The following AGAP1 variants were observed in gnomAD, a reference collection of about 807,000 sequenced individuals.
The protein encoded by AGAP1 is ArfGAP with GTPase domain, ankyrin repeat and PH domain 1.
AGAP1 carries 29 observed loss-of-function variants against 105.3 expected under a neutral mutation model. The observed-to-expected ratio is 0.28, with a 90% CI of 0.21 to 0.38. The LOEUF is 0.38. Among genes scored for constraint, AGAP1 ranks in the 10% least tolerant of loss-of-function variants. The pLI is 1.00. For synonymous variants in AGAP1, 509 were observed against 485.9 expected (o/e 1.05, Z -0.63); for missense variants, 998 against 1,165.1 (o/e 0.86, Z 2.09).
intron 8 of AGAP1, among the ~76,000 whole-genome samples, chr2:235,803,945 T>G (rs1957710798): frequency 6.6e-6 from 1 of 152,246 alleles, no homozygotes; most frequent in Non-Finnish European, 1.5e-5. Flanking sequence ...GCAATTAATT[T>G]AGTTTAGCGG....
rs554464586 is a variant in AGAP1 at position 235,989,769 on chromosome 2, C to G, written c.1645+21146C>G. On this transcript the variant is annotated intron_variant, in intron 13 of 17. Transcript: ENST00000304032. The surrounding 1 kb of genome is among the most constrained non-coding windows in gnomAD (Gnocchi z 4.4). ...GAGGACTGAAGACATTGGCAAGCAT[C>G]AGTCCGTGCGGGAGACGTGCATGGA... Among the ~76,000 whole-genome samples the G allele has an allele frequency of 6.6e-6, 1 of 152,250 alleles. No homozygotes were observed. The highest frequency in any genetic ancestry group is 2.4e-5 in the African/African-American group (1 of 41,554).
chr2:236,025,173 T>C (rs1342959412), intron 13 of AGAP1, among the ~76,000 whole-genome samples: 1 of 152,202 alleles, frequency 6.6e-6, no homozygotes, highest in Non-Finnish European at 1.5e-5. Flanking sequence ...ACTGCAATTG[T>C]CACAAATAGG....
rs910222892 is a variant in AGAP1 at position 235,736,842 on chromosome 2, AAAAAC to A, written c.311-4109_311-4105del. 4.6e-5 allele frequency among the ~76,000 whole-genome samples: 7 copies of A among 152,182 alleles called. No individual in the cohort carries two copies. Among genetic ancestry groups the A allele is most frequent in the African/African-American group, 1.7e-4 (7 of 41,454 alleles). ...GGCAACAGAGTGAGACTGTGTCTCAAAAAACAAAACAAAACACAACACAACAACAA... is the reference window on the plus strand; with the variant it reads ...GGCAACAGAGTGAGACTGTGTCTCAAAAAACAAAACACAACACAACAACAA... On this transcript the variant is annotated intron_variant, in intron 3 of 17. Coordinates refer to ENST00000304032, the MANE Select transcript of AGAP1 (RefSeq NM_001037131.3). The surrounding 1 kb of genome is among the most constrained non-coding windows in gnomAD (Gnocchi z 5.5).
intron 13 of AGAP1, among the ~76,000 whole-genome samples, chr2:236,032,392 C>A (rs1248228046): frequency 1.3e-5 from 2 of 152,158 alleles, no homozygotes. Context: ...GGTGAGTCTT[C>A]AGGGTGATCA....
chr2:236,105,545 C>T lies in AGAP1; in HGVS notation c.2115-14647C>T, dbSNP rs1275912879. On this transcript the variant is annotated intron_variant, in intron 16 of 17. Coordinates refer to ENST00000304032, the MANE Select transcript of AGAP1 (RefSeq NM_001037131.3). This position sits in a 1 kb window ranked among gnomAD's most constrained non-coding sequence, Gnocchi z 4.2. Reference sequence around the variant, plus strand: ...GAGGAGAGAGGAGAGGGGCATCTCTCGTGTCTTTTTTTTTTTTTTTTTTTT... The same window carrying T: ...GAGGAGAGAGGAGAGGGGCATCTCTTGTGTCTTTTTTTTTTTTTTTTTTTT... Among the ~76,000 whole-genome samples the T allele has an allele frequency of 3.5e-5, 5 of 141,354 alleles. No homozygotes were observed. Among genetic ancestry groups the T allele is most frequent in the Non-Finnish European group, 7.5e-5 (5 of 66,256 alleles). The allele number at this position is 141,354 out of a possible 152,430, so 92.7% of individuals were successfully genotyped here.
In AGAP1 at chr2:236,055,413, G is replaced by A. The variant is rs1374792473; in HGVS notation, c.2114+6132G>A. On this transcript the variant is annotated intron_variant, in intron 16 of 17. Transcript: ENST00000304032. The surrounding 1 kb of genome is among the most constrained non-coding windows in gnomAD (Gnocchi z 6.2). ...TGGAGGAAGCTGCTGTGCTCTGTGA[G>A]CCTCGTCTCTTCCAATATAAATTAT... 6.6e-6 allele frequency among the ~76,000 whole-genome samples: 1 copy of A among 152,234 alleles called. No homozygotes were observed. Among genetic ancestry groups the A allele is most frequent in the Non-Finnish European group, 1.5e-5 (1 of 68,052 alleles).
In AGAP1 at chr2:235,709,213, T is replaced by C. The variant is rs746978794; in HGVS notation, c.198T>C (p.Ser66=). The C allele has an allele frequency of 7.4e-6, 12 of 1,614,062 alleles. No individual in the cohort carries two copies. Among genetic ancestry groups the C allele is most frequent in the African/African-American group, 1.3e-5 (1 of 75,014 alleles). ...TGAACAGCCAGGAATGGACGCTGAG[T>C]CGATCTGTCCCGGAGCTCAAAGTGG... ...AFVNSQEWTL[S]RSVPELKVGI... is the part of the protein sequence containing the mutation. Residue 66 remains serine (S), a synonymous_variant, in exon 2 of 18, where the codon AGT becomes AGC. Coordinates refer to ENST00000304032, the MANE Select transcript of AGAP1 (RefSeq NM_001037131.3).
rs1949688350 is a variant in AGAP1, at chr2:235,690,526, A to G, written c.164-18653A>G. ...GTTTATTCCTAGCTTCCGGTAGAGG[A>G]GGCTGGCCAACTCAGACACCTAAGC... On this transcript the variant is annotated intron_variant, in intron 1 of 17. Transcript: ENST00000304032. The surrounding 1 kb of genome is among the most constrained non-coding windows in gnomAD (Gnocchi z 4.1). Among the ~76,000 whole-genome samples, 1 of 152,208 alleles carries G rather than the reference A, an allele frequency of 6.6e-6. No homozygotes were observed. The highest frequency in any genetic ancestry group is 2.4e-5 in the African/African-American group (1 of 41,452).
intron 16 of AGAP1, among the ~76,000 whole-genome samples, chr2:236,098,040 A>G (rs1312894973): frequency 6.6e-6 from 1 of 152,238 alleles, no homozygotes; most frequent in Non-Finnish European, 1.5e-5. Flanking sequence ...GCTGAGTACT[A>G]TTCCATCGTG....
Position 235,981,083 on chromosome 2 carries a change from G to A in AGAP1, c.1645+12460G>A, listed in dbSNP as rs1575959541. On this transcript the variant is annotated intron_variant, in intron 13 of 17. Coordinates refer to ENST00000304032, the MANE Select transcript of AGAP1 (RefSeq NM_001037131.3). This position sits in a 1 kb window ranked among gnomAD's most constrained non-coding sequence, Gnocchi z 5.5. Reference sequence around the variant, plus strand: ...TTTTATTTTTTTGTTTTAACATTTTGTGCAAGGCTAAGGAATTAGACACCC... The same window carrying A: ...TTTTATTTTTTTGTTTTAACATTTTATGCAAGGCTAAGGAATTAGACACCC... Among the ~76,000 whole-genome samples, 1 of 152,062 alleles carries A rather than the reference G, an allele frequency of 6.6e-6. No individual in the cohort carries two copies. The highest frequency in any genetic ancestry group is 1.5e-5 in the Non-Finnish European group (1 of 68,020).
intron 9 of AGAP1, among the ~76,000 whole-genome samples, chr2:235,858,727 A>C (rs926019502): frequency 1.3e-5 from 2 of 152,206 alleles, no homozygotes; most frequent in Non-Finnish European, 2.9e-5. Context: ...CTAGAACATG[A>C]AAGGTGGTTT....
chr2:235,644,948 T>G (rs1026681907), intron 1 of AGAP1, among the ~76,000 whole-genome samples: 1 of 150,970 alleles, frequency 6.6e-6, no homozygotes, highest in Non-Finnish European at 1.5e-5. Flanking sequence ...CAGACTGGAG[T>G]GCAATGGCGC....
chr2:235,858,742 A>G (rs978686875), intron 9 of AGAP1, among the ~76,000 whole-genome samples: 2 of 152,204 alleles, frequency 1.3e-5, no homozygotes, highest in East Asian at 1.9e-4. Flanking sequence ...TGGTTTCTCT[A>G]CATGCCTGTG....
Position 235,936,665 on chromosome 2 carries a change from A to G in AGAP1, c.1483+5742A>G, listed in dbSNP as rs1051330981. 5.9e-5 allele frequency among the ~76,000 whole-genome samples: 9 copies of G among 152,162 alleles called. No homozygotes were observed. The highest frequency in any genetic ancestry group is 2.2e-4 in the African/African-American group (9 of 41,432). ...ATACTGACAATTTTAGTGTATGACC[A>G]GCAGGCGGCGGTAATGTGATACTGC... is the stretch of plus-strand genomic sequence containing the variant. On this transcript the variant is annotated intron_variant, in intron 12 of 17. Transcript: ENST00000304032. The surrounding 1 kb of genome is among the most constrained non-coding windows in gnomAD (Gnocchi z 4.7).
intron 6 of AGAP1, among the ~76,000 whole-genome samples, chr2:235,794,706 A>G (rs1235162678): frequency 6.6e-6 from 1 of 152,124 alleles, no homozygotes; most frequent in African/African-American, 2.4e-5. Flanking sequence ...TCCTGACCTC[A>G]GGTGATCTGC....
chr2:235,841,386 T>C (rs1259130374), intron 9 of AGAP1, among the ~76,000 whole-genome samples: 1 of 152,172 alleles, frequency 6.6e-6, no homozygotes, highest in Non-Finnish European at 1.5e-5. Context: ...CCCCGCACTG[T>C]AGGAGGCCAA....
At position 235,994,127 on chromosome 2, in the gene AGAP1, A is replaced by G. The variant is rs1472092767; in HGVS notation, c.1645+25504A>G. On this transcript the variant is annotated intron_variant, in intron 13 of 17. Transcript: ENST00000304032. This position sits in a 1 kb window ranked among gnomAD's most constrained non-coding sequence, Gnocchi z 4.4. ...CTAGAATATCATGCCCAGGTTAGGC[A>G]CTCTTTCTGTATTCCCCAAAGCTTC... is the stretch of plus-strand genomic sequence containing the variant. Among the ~76,000 whole-genome samples, 1 of 151,880 alleles carries G rather than the reference A, an allele frequency of 6.6e-6. No individual in the cohort carries two copies.
intron 12 of AGAP1, among the ~76,000 whole-genome samples, chr2:235,935,187 C>T (rs1413644757): frequency 6.6e-6 from 1 of 152,138 alleles, no homozygotes; most frequent in East Asian, 1.9e-4. Context: ...TATAATTTGG[C>T]GTTGCTAACA....
chr2:235,984,463 C>T (rs940015591), intron 13 of AGAP1, among the ~76,000 whole-genome samples: 1 of 143,716 alleles, frequency 7.0e-6, no homozygotes, highest in Non-Finnish European at 1.5e-5. Flanking sequence ...CAAGGAACCA[C>T]CAAATTCTTT....
Sources: allele counts gnomAD v4.1 joint callset (sites outside exome capture counted in the v4.1 genomes callset), GRCh38; gene constraint gnomAD v4.1.1; non-coding constraint Gnocchi (gnomAD v3.1); transcripts MANE v1.5; gene names NCBI Gene and HGNC (gene_info 2026-07-23, HGNC 2026-07-21).